The following DACH1 variants were observed in gnomAD, a reference collection of about 807,000 sequenced individuals.
DACH1 encodes the protein dachshund homolog 1.
In DACH1, 12 loss-of-function variants were observed where a neutral mutation model predicts 54.2. The observed-to-expected ratio is 0.22, with a 90% CI of 0.14 to 0.36. DACH1 has a LOEUF of 0.36. Ranked by LOEUF, DACH1 falls within the 10% of genes least tolerant of loss-of-function variation. The probability of loss-of-function intolerance (pLI) is 1.00; values close to 1 mark genes in which losing one functional copy is unlikely to be tolerated. For synonymous variants in DACH1, 386 were observed against 366.2 expected (o/e 1.05, Z -0.62); for missense variants, 805 against 929.8 (o/e 0.87, Z 1.75).
chr13:71,521,480 A>G (rs1407063312), intron 6 of DACH1, among the ~76,000 whole-genome samples: 6 of 152,016 alleles, frequency 3.9e-5, no homozygotes, highest in Admixed American at 1.3e-4. Flanking sequence ...AAAATTTTAA[A>G]CCTATTTTAA....
Position 71,441,058 on chromosome 13 carries a change from A to G in DACH1, c.2084-366T>C, listed in dbSNP as rs117106361. Among the ~76,000 whole-genome samples the G allele has an allele frequency of 2.6e-4, 40 of 152,104 alleles. 1 individual carries two copies. The East Asian group carries it at 7.5e-3, about 29-fold the overall frequency. ...GCTTGCAGAACCAAATTTTCTCTGA[A>G]TGCACTCAGGTGTATCTCCATCAGG... On this transcript the variant is annotated intron_variant, in intron 10 of 10. Coordinates refer to ENST00000613252, the MANE Select transcript of DACH1 (RefSeq NM_080759.6).
intron 1 of DACH1, among the ~76,000 whole-genome samples, chr13:71,764,631 G>C (rs1885541070): frequency 6.6e-6 from 1 of 152,172 alleles, no homozygotes; most frequent in South Asian, 2.1e-4. Context: ...AGTCTCGTAA[G>C]TTTTCACTCC....
chr13:71,575,167 AACTG>A (rs1159815858), intron 3 of DACH1, among the ~76,000 whole-genome samples: 2 of 152,136 alleles, frequency 1.3e-5, no homozygotes, highest in East Asian at 3.9e-4. Context: ...TATCAGTTAA[AACTG>A]ACTATCGGGA....
intron 3 of DACH1, among the ~76,000 whole-genome samples, chr13:71,593,708 A>G (rs190148015): frequency 1.3e-5 from 2 of 152,162 alleles, no homozygotes; most frequent in African/African-American, 2.4e-5. Context: ...AGTATTCATA[A>G]TCCTTAACTT....
intron 1 of DACH1, among the ~76,000 whole-genome samples, chr13:71,738,728 T>C (rs1321542335): frequency 1.2e-4 from 2 of 16,806 alleles, no homozygotes; most frequent in Non-Finnish European, 6.0e-4. Context: ...CGAGACTCTG[T>C]CTCAAAAAAA....
At chr13:71,589,739 T>G (rs1873560346) in intron 3 of DACH1, among the ~76,000 whole-genome samples, 1 of 151,982 alleles carries the variant, frequency 6.6e-6, no homozygotes, top group Non-Finnish European at 1.5e-5. Flanking sequence ...TGAAATAAAC[T>G]TCAACCCCTT....
At chr13:71,707,870 A>G (rs1404171116) in intron 1 of DACH1, among the ~76,000 whole-genome samples, 2 of 152,136 alleles carry the variant, frequency 1.3e-5, no homozygotes, top group African/African-American at 4.8e-5. Context: ...GAGATGGGTA[A>G]GTGAGCCATA....
At chr13:71,666,853 G>A (rs570604082) in intron 2 of DACH1, among the ~76,000 whole-genome samples, 3 of 152,054 alleles carry the variant, frequency 2.0e-5, no homozygotes, top group African/African-American at 4.8e-5. Flanking sequence ...GTGGTGGTGT[G>A]TGCCTGTAAT....
At chr13:71,657,488 G>A (rs2138642415) in intron 2 of DACH1, among the ~76,000 whole-genome samples, 1 of 150,612 alleles carries the variant, frequency 6.6e-6, no homozygotes, top group South Asian at 2.1e-4. Flanking sequence ...GTGACAGACT[G>A]AGACCCTGTC....
At chr13:71,763,795 T>C (rs1237335784) in intron 1 of DACH1, among the ~76,000 whole-genome samples, 1 of 152,248 alleles carries the variant, frequency 6.6e-6, no homozygotes, top group Non-Finnish European at 1.5e-5. Flanking sequence ...TAAAGGCACA[T>C]GCTCAGCAGA....
At chr13:71,568,665 A>G (rs971052582) in intron 4 of DACH1, among the ~76,000 whole-genome samples, 7 of 152,074 alleles carry the variant, frequency 4.6e-5, no homozygotes, top group African/African-American at 9.6e-5. Flanking sequence ...TGCTGAAAAT[A>G]GATTAGGCAT....
chr13:71,615,857 T>C (rs1875721205), intron 3 of DACH1, among the ~76,000 whole-genome samples: 1 of 152,160 alleles, frequency 6.6e-6, no homozygotes, highest in South Asian at 2.1e-4. Flanking sequence ...ACACCTTTAT[T>C]ATTTTACTTC....
chr13:71,743,376 G>T (rs949538269), intron 1 of DACH1, among the ~76,000 whole-genome samples: 1 of 152,184 alleles, frequency 6.6e-6, no homozygotes, highest in Non-Finnish European at 1.5e-5. Context: ...TGACAAGACT[G>T]CATGGTCTGT....
chr13:71,514,711 T>C (rs1341094797), intron 6 of DACH1, among the ~76,000 whole-genome samples: 2 of 152,010 alleles, frequency 1.3e-5, no homozygotes, highest in East Asian at 3.9e-4. Flanking sequence ...TTCTTTCATC[T>C]CCTTCAATGA....
intron 3 of DACH1, among the ~76,000 whole-genome samples, chr13:71,626,303 GTTTCC>G (rs1467783437): frequency 6.6e-6 from 1 of 151,870 alleles, no homozygotes; most frequent in Admixed American, 6.6e-5. Context: ...GTAAAATTAA[GTTTCC>G]TTTATTTAGA....
intron 8 of DACH1, among the ~76,000 whole-genome samples, chr13:71,476,151 A>G (rs1805582789): frequency 1.3e-5 from 2 of 152,188 alleles, no homozygotes; most frequent in African/African-American, 4.8e-5. Flanking sequence ...TTCACTGATA[A>G]AGGAAGCTTG....
At chr13:71,789,172 C>T (rs1886729079) in intron 1 of DACH1, among the ~76,000 whole-genome samples, 5 of 152,062 alleles carry the variant, frequency 3.3e-5, no homozygotes, top group Admixed American at 2.6e-4. Flanking sequence ...TTATTTAATT[C>T]TGTTTACTTT....
chr13:71,551,541 T>G (rs919909271), intron 6 of DACH1, among the ~76,000 whole-genome samples: 2 of 152,164 alleles, frequency 1.3e-5, no homozygotes, highest in African/African-American at 4.8e-5. Context: ...TGTGAGAACA[T>G]GTACTTATTG....
intron 2 of DACH1, chr13:71,675,127 G>T: frequency 6.3e-7 from 1 of 1,580,936 alleles, no homozygotes; most frequent in Non-Finnish European, 8.7e-7. Context: ...GAAGTAACTG[G>T]CTACAAAAGC....
Sources: allele counts gnomAD v4.1 joint callset (sites outside exome capture counted in the v4.1 genomes callset), GRCh38; gene constraint gnomAD v4.1.1; transcripts MANE v1.5; gene names NCBI Gene and HGNC (gene_info 2026-07-23, HGNC 2026-07-21).